Variants in LUC7L3 observed in about 807,000 individuals in gnomAD.
The protein encoded by LUC7L3 is luc7-like protein 3.
LUC7L3 carries 6 observed loss-of-function variants against 66.8 expected under a neutral mutation model. The ratio of observed to expected loss-of-function variants is 0.09; its 90% CI spans 0.05 to 0.18. The LOEUF is 0.18. Among genes scored for constraint, LUC7L3 ranks in the 10% least tolerant of loss-of-function variants. The pLI is 1.00. For missense variants in LUC7L3, 341 were observed against 531.1 expected, an observed-to-expected ratio of 0.64 and a Z score of 3.52; for synonymous variants, 160 against 174.7, an observed-to-expected ratio of 0.92 and a Z score of 0.66.
chr17:50,733,373 A>C (rs1266993932), intron 1 of LUC7L3, among the ~76,000 whole-genome samples: 2 of 147,854 alleles, frequency 1.4e-5, no homozygotes, highest in South Asian at 4.3e-4. Flanking sequence ...CTGGGACTAC[A>C]GGCACCTGCC....
At chr17:50,733,683 G>C (rs757856056) in intron 1 of LUC7L3, among the ~76,000 whole-genome samples, 1 of 152,166 alleles carries the variant, frequency 6.6e-6, no homozygotes, top group African/African-American at 2.4e-5. Context: ...TTACAGGCGT[G>C]CAGCCAGTTC....
chr17:50,738,147 A>C (rs1348770064), intron 2 of LUC7L3: 1 of 456,226 alleles, frequency 2.2e-6, no homozygotes, highest in African/African-American at 2.0e-5. Flanking sequence ...GCAGAAGAAA[A>C]GAGGATTCTT....
chr17:50,743,577 C>T, intron 5 of LUC7L3, 129 bp from the exon 6 acceptor site: 1 of 616,468 alleles, frequency 1.6e-6, no homozygotes, highest in Non-Finnish European at 2.9e-6. Context: ...TAAATTAAAC[C>T]CAAAGAGGCT....
At chr17:50,736,254 G>A (rs543596432) in intron 1 of LUC7L3, among the ~76,000 whole-genome samples, 4 of 152,280 alleles carry the variant, frequency 2.6e-5, no homozygotes, top group African/African-American at 9.6e-5. Flanking sequence ...ATTAAATTTG[G>A]GATAGAGCAG....
At chr17:50,721,734 G>A (rs946402554) in intron 1 of LUC7L3, among the ~76,000 whole-genome samples, 2 of 152,146 alleles carry the variant, frequency 1.3e-5, no homozygotes, top group African/African-American at 4.8e-5. Flanking sequence ...TGTACTGTTG[G>A]CTGTTAGTGC....
At chr17:50,729,940 A>ATG (rs1969470962) in intron 1 of LUC7L3, among the ~76,000 whole-genome samples, 6 of 28,400 alleles carry the variant, frequency 2.1e-4, no homozygotes, top group African/African-American at 7.8e-4. Flanking sequence ...ATATATATAT[A>ATG]TATATGTATG....
In LUC7L3 at chr17:50,752,273, TGAAA is replaced by T. The variant is rs890217353; in HGVS notation, c.*1618_*1621del. 2.4e-6 allele frequency: 3 copies of T among 1,239,270 alleles called. No homozygotes were observed. Among genetic ancestry groups the T allele is most frequent in the African/African-American group, 3.1e-5 (2 of 64,582 alleles). 76.8% of individuals were successfully genotyped at this position (1,239,270 alleles called of 1,614,324 possible). A position where few individuals can be genotyped will look rare whatever the true frequency, so the allele number is the denominator to read the frequency against. On this transcript the variant is annotated 3_prime_UTR_variant, in exon 10 of 10. Transcript: ENST00000505658. ...GAAGATCGACATTTAAAAAATGAGG[TGAAA>T]GAAAGCTATAGTGGCATAGAAAAAG...
In LUC7L3 at chr17:50,719,690, C is replaced by T. The variant is rs912311726; in HGVS notation, c.-43C>T. On this transcript the variant is annotated 5_prime_UTR_variant, in exon 1 of 10. Coordinates refer to ENST00000505658, the MANE Select transcript of LUC7L3 (RefSeq NM_016424.5). ...ACGGTGTCGCCCGTGTTTTCGTTGG[C>T]GGGTGCCTGGGCTGGTGGGAACAGC... The T allele has an allele frequency of 2.0e-6, 3 of 1,524,754 alleles. No individual in the cohort carries two copies. The highest frequency in any genetic ancestry group is 3.6e-5 in the Admixed American group (2 of 55,882). 94.5% of individuals were successfully genotyped at this position (1,524,754 alleles called of 1,614,324 possible).
At chr17:50,734,135 A>G (rs530203683) in intron 1 of LUC7L3, among the ~76,000 whole-genome samples, 73 of 152,108 alleles carry the variant, frequency 4.8e-4, no homozygotes, top group Admixed American at 1.0e-3. Flanking sequence ...TGTGACAACA[A>G]TGTTTAAGTT....
At chr17:50,739,446 G>A (rs547804166) in intron 2 of LUC7L3, among the ~76,000 whole-genome samples, 3 of 152,296 alleles carry the variant, frequency 2.0e-5, no homozygotes, top group African/African-American at 7.2e-5. Flanking sequence ...GAGGTGAGGA[G>A]TTCAAGAACA....
intron 2 of LUC7L3, 129 bp from the exon 3 acceptor site, chr17:50,740,177 T>G: frequency 1.5e-6 from 1 of 678,582 alleles, no homozygotes; most frequent in Non-Finnish European, 2.5e-6. Context: ...TCAGTTTAGA[T>G]GTCTACAAAC....
At chr17:50,724,015 A>G (rs907774534) in intron 1 of LUC7L3, 3 of 449,812 alleles carry the variant, frequency 6.7e-6, no homozygotes, top group Admixed American at 4.8e-5. Context: ...TTATATGTGT[A>G]TGTAATTGCT....
chr17:50,742,447 C>T (rs980779866), intron 5 of LUC7L3, among the ~76,000 whole-genome samples: 3 of 152,094 alleles, frequency 2.0e-5, no homozygotes, highest in Non-Finnish European at 4.4e-5. Context: ...CAACCTCTGC[C>T]TCCCAGGTTC....
intron 9 of LUC7L3, chr17:50,748,524 ATGT>A (rs1419071814): frequency 6.7e-6 from 1 of 148,208 alleles, no homozygotes; most frequent in Non-Finnish European, 1.5e-5. Context: ...GGGTTTTGCC[ATGT>A]TGTCCAGTGT....
chr17:50,754,421 AAAT>A lies in LUC7L3; in HGVS notation c.*3764_*3766del, dbSNP rs2143108492. ...GTCTCAGACACACCATTTAATCTGT[AAAT>A]AATTCAGCATGTATCTCTAAAAGAC... is the stretch of plus-strand genomic sequence containing the variant. On this transcript the variant is annotated 3_prime_UTR_variant, in exon 10 of 10. Coordinates refer to ENST00000505658, the MANE Select transcript of LUC7L3 (RefSeq NM_016424.5). The A allele has an allele frequency of 6.6e-6, 1 of 152,298 alleles. No individual in the cohort carries two copies. Among genetic ancestry groups the A allele is most frequent in the African/African-American group, 2.4e-5 (1 of 41,564 alleles). The allele number at this position is 152,298 out of a possible 1,614,324, so 9.4% of individuals were successfully genotyped here.
chr17:50,733,214 G>A (rs957855857), intron 1 of LUC7L3, among the ~76,000 whole-genome samples: 1 of 151,294 alleles, frequency 6.6e-6, no homozygotes, highest in African/African-American at 2.4e-5. Flanking sequence ...ATGTTTATAA[G>A]TAAAGATAAA....
At chr17:50,730,609 T>C (rs976412394) in intron 1 of LUC7L3, among the ~76,000 whole-genome samples, 2 of 151,142 alleles carry the variant, frequency 1.3e-5, no homozygotes, top group Non-Finnish European at 2.9e-5. Flanking sequence ...TGCTTAGTGT[T>C]GGATCTAAGT....
At chr17:50,749,937 A>C (rs1433722743) in intron 9 of LUC7L3, among the ~76,000 whole-genome samples, 1 of 152,224 alleles carries the variant, frequency 6.6e-6, no homozygotes, top group African/African-American at 2.4e-5. Flanking sequence ...TTTCTTAGCA[A>C]AGCACAAAAG....
At chr17:50,750,239 A>G (rs1332428071) in intron 9 of LUC7L3, among the ~76,000 whole-genome samples, 1 of 152,144 alleles carries the variant, frequency 6.6e-6, no homozygotes, top group Non-Finnish European at 1.5e-5. Context: ...CTTAAATATT[A>G]TATTCTGCAA....
Sources: gnomAD v4.1 joint callset for allele counts (sites outside exome capture counted in the v4.1 genomes callset) on GRCh38, gnomAD v4.1.1 for gene constraint, MANE v1.5 for transcripts, NCBI Gene and HGNC (gene_info 2026-07-23, HGNC 2026-07-21) for gene names.